Variants in P4HA1 observed in about 807,000 individuals in gnomAD.
P4HA1 encodes prolyl 4-hydroxylase subunit alpha-1.
A neutral mutation model predicts 72.8 loss-of-function variants in P4HA1; 24 were observed. The ratio of observed to expected loss-of-function variants is 0.33; its 90% CI spans 0.24 to 0.46. P4HA1 has a LOEUF of 0.46. Ranked by LOEUF, P4HA1 falls within the 20% of genes least tolerant of loss-of-function variation. The probability of loss-of-function intolerance (pLI) is 1.00; values close to 1 mark genes in which losing one functional copy is unlikely to be tolerated. For missense variants in P4HA1, 446 were observed against 640.6 expected (o/e 0.70, Z 3.28); for synonymous variants, 201 against 218.8 (o/e 0.92, Z 0.72).
intron 1 of P4HA1, among the ~76,000 whole-genome samples, chr10:73,077,280 T>C (rs1841718709): frequency 6.6e-6 from 1 of 152,268 alleles, no homozygotes; most frequent in Non-Finnish European, 1.5e-5. Context: ...AACAGAAGGC[T>C]AATCACAAAT....
At chr10:73,070,410 G>C (rs1841532535) in intron 4 of P4HA1, among the ~76,000 whole-genome samples, 1 of 151,962 alleles carries the variant, frequency 6.6e-6, no homozygotes, top group African/African-American at 2.4e-5. Flanking sequence ...GCCAGCCTCA[G>C]CCTCCCAAAC....
At chr10:73,017,405 T>C (rs1307113818) in intron 10 of P4HA1, among the ~76,000 whole-genome samples, 1 of 151,954 alleles carries the variant, frequency 6.6e-6, no homozygotes, top group African/African-American at 2.4e-5. Context: ...AGCCTCAACC[T>C]TTGGGGCACA....
At chr10:73,076,689 T>G (rs1481929537) in intron 1 of P4HA1, among the ~76,000 whole-genome samples, 1 of 152,200 alleles carries the variant, frequency 6.6e-6, no homozygotes, top group Non-Finnish European at 1.5e-5. Context: ...ACTCTTCTCT[T>G]GCTCCTTCTC....
At chr10:73,073,220 CTTTTTTTTTTTT>C (rs573264487) in intron 3 of P4HA1, among the ~76,000 whole-genome samples, 1 of 116,168 alleles carries the variant, frequency 8.6e-6, no homozygotes, top group African/African-American at 3.4e-5. Flanking sequence ...CATCCATATT[CTTTTTTTTTTTT>C]TTTTTTTGAG....
At chr10:73,073,898 A>C (rs1841629047) in intron 2 of P4HA1, 71 bp from the exon 3 acceptor site, 5 of 779,220 alleles carry the variant, frequency 6.4e-6, no homozygotes, top group Non-Finnish European at 1.2e-5. Context: ...AGAATGATTG[A>C]GACTGTTTCA....
chr10:73,090,859 G>C (rs1205991023), intron 1 of P4HA1, among the ~76,000 whole-genome samples: 1 of 151,858 alleles, frequency 6.6e-6, no homozygotes, highest in East Asian at 1.9e-4. Flanking sequence ...TCAGGAGTTC[G>C]AGACCCGCCC....
At chr10:73,091,510 T>C (rs1425246373) in intron 1 of P4HA1, among the ~76,000 whole-genome samples, 2 of 152,194 alleles carry the variant, frequency 1.3e-5, no homozygotes, top group Non-Finnish European at 2.9e-5. Flanking sequence ...AAATTAGATA[T>C]GCAAATCTAG....
In P4HA1 at chr10:73,063,420, T is replaced by C. The variant is rs150299526; in HGVS notation, c.463+5426A>G. On this transcript the variant is annotated intron_variant, in intron 5 of 14. Coordinates refer to ENST00000394890, the MANE Select transcript of P4HA1 (RefSeq NM_001017962.3). ...CTGTAGGCCCCACCTCTTAATACCA[T>C]CACACTGGCCATGAAGTTTCACCAC... 9.9e-5 allele frequency among the ~76,000 whole-genome samples: 15 copies of C among 152,260 alleles called. No individual in the cohort carries two copies. The East Asian group carries it at 2.5e-3, about 25-fold the overall frequency.
intron 10 of P4HA1, among the ~76,000 whole-genome samples, chr10:73,024,405 C>T (rs903517276): frequency 2.6e-5 from 4 of 152,118 alleles, no homozygotes; most frequent in African/African-American, 4.8e-5. Flanking sequence ...GGGTAAATAA[C>T]GAAATGAAGG....
chr10:73,087,530 T>G (rs927909211), intron 1 of P4HA1, among the ~76,000 whole-genome samples: 2 of 152,126 alleles, frequency 1.3e-5, no homozygotes, highest in Non-Finnish European at 2.9e-5. Flanking sequence ...CTTCCCAAAG[T>G]GCTGGGATTA....
intron 9 of P4HA1, among the ~76,000 whole-genome samples, chr10:73,036,554 G>A (rs1840581153): frequency 2.0e-5 from 3 of 151,800 alleles, no homozygotes; most frequent in Non-Finnish European, 4.4e-5. Flanking sequence ...GCACCACCAC[G>A]CCCGGCTAAT....
chr10:73,071,726 TTA>T (rs1432437239), intron 4 of P4HA1, among the ~76,000 whole-genome samples: 1 of 152,062 alleles, frequency 6.6e-6, no homozygotes, highest in African/African-American at 2.4e-5. Context: ...ACATAAATTT[TTA>T]AAGTTTGAAG....
At chr10:73,072,316 A>G (rs1378105606) in intron 3 of P4HA1, 136 bp from the exon 4 acceptor site, 1 of 646,018 alleles carries the variant, frequency 1.5e-6, no homozygotes, top group Non-Finnish European at 2.6e-6. Flanking sequence ...AAGTAAAAGT[A>G]TACGGTCTCG....
At chr10:73,071,679 CA>C (rs1439232485) in intron 4 of P4HA1, among the ~76,000 whole-genome samples, 24 of 151,760 alleles carry the variant, frequency 1.6e-4, no homozygotes, top group Admixed American at 1.5e-3. Context: ...TTTATAGTAA[CA>C]CTCCCAACAT....
At chr10:73,073,220 C>CTTTTT (rs573264487) in intron 3 of P4HA1, among the ~76,000 whole-genome samples, 3 of 116,168 alleles carry the variant, frequency 2.6e-5, no homozygotes, top group Admixed American at 8.8e-5. Flanking sequence ...CATCCATATT[C>CTTTTT]TTTTTTTTTT....
At chr10:73,040,955 G>C (rs1840718448) in intron 9 of P4HA1, among the ~76,000 whole-genome samples, 1 of 152,160 alleles carries the variant, frequency 6.6e-6, no homozygotes, top group East Asian at 1.9e-4. Flanking sequence ...GTAATAGAAT[G>C]GAAAATTAGC....
chr10:73,022,695 C>G (rs866856226), intron 10 of P4HA1, among the ~76,000 whole-genome samples: 9 of 152,150 alleles, frequency 5.9e-5, no homozygotes, highest in Non-Finnish European at 1.3e-4. Flanking sequence ...TAACAAACCT[C>G]CCAGCTAAAG....
intron 9 of P4HA1, among the ~76,000 whole-genome samples, chr10:73,041,875 C>A (rs1327009750): frequency 6.6e-6 from 1 of 151,296 alleles, no homozygotes; most frequent in Non-Finnish European, 1.5e-5. Flanking sequence ...TACTCTGTCA[C>A]CCTGGCTGGA....
intron 11 of P4HA1, among the ~76,000 whole-genome samples, chr10:73,014,853 G>A (rs1839981112): frequency 6.9e-6 from 1 of 144,510 alleles, no homozygotes. Context: ...TTTTGAGACA[G>A]AGTCTTGCCC....
Sources: gnomAD v4.1 joint callset for allele counts (sites outside exome capture counted in the v4.1 genomes callset) on GRCh38, gnomAD v4.1.1 for gene constraint, MANE v1.5 for transcripts, NCBI Gene and HGNC (gene_info 2026-07-23, HGNC 2026-07-21) for gene names.